PDE9A: variants seen among roughly 807,000 people sequenced by gnomAD.
The protein encoded by PDE9A is phosphodiesterase 9A, also known as high affinity cGMP-specific 3',5'-cyclic phosphodiesterase 9A.
In PDE9A, 60 loss-of-function variants were observed where a neutral mutation model predicts 87.4. That is an observed-to-expected ratio of 0.69 (90% CI 0.56 to 0.85). The LOEUF (loss-of-function observed/expected upper bound fraction) is 0.85, where lower values mean the gene tolerates loss of function less well. PDE9A is among the 40% of genes least tolerant of loss of function. The pLI, the probability that PDE9A is intolerant of heterozygous loss-of-function variation, is 0.00. For synonymous variants in PDE9A, 272 were observed against 279.4 expected, an observed-to-expected ratio of 0.97 and a Z score of 0.27; for missense variants, 665 against 779.0, an observed-to-expected ratio of 0.85 and a Z score of 1.74.
At chr21:42,698,667 G>A (rs2060273665) in intron 3 of PDE9A, among the ~76,000 whole-genome samples, 1 of 152,180 alleles carries the variant, frequency 6.6e-6, no homozygotes, top group African/African-American at 2.4e-5. Context: ...GCAGCTGCCA[G>A]AGTCTGACAT....
In PDE9A at chr21:42,723,772, C is replaced by T; in HGVS notation, c.263-7998C>T. On this transcript the variant is annotated intron_variant, in intron 4 of 19. Transcript: ENST00000291539. This position sits in a 1 kb window ranked among gnomAD's most constrained non-coding sequence, Gnocchi z 4.3. ...CCTCGGGGGCTTATTTGCAATCTCC[C>T]GATTTGCTCAAAAACTTCCAGGTCC... is the stretch of plus-strand genomic sequence containing the variant. 6.6e-6 allele frequency among the ~76,000 whole-genome samples: 1 copy of T among 152,154 alleles called. No individual in the cohort carries two copies. The highest frequency in any genetic ancestry group is 1.9e-4 in the East Asian group (1 of 5,196).
chr21:42,753,320 C>G (rs1210493078), intron 9 of PDE9A, among the ~76,000 whole-genome samples: 1 of 152,206 alleles, frequency 6.6e-6, no homozygotes, highest in African/African-American at 2.4e-5. Context: ...TCCATTTTAT[C>G]ATCGGGCTTG....
Position 42,760,782 on chromosome 21 carries a change from C to T in PDE9A, c.1003-43C>T, listed in dbSNP as rs777111792. The T allele has an allele frequency of 4.4e-5, 49 of 1,125,766 alleles. No individual in the cohort carries two copies. The East Asian group carries it at 4.5e-4, about 10-fold the overall frequency. 69.7% of individuals were successfully genotyped at this position (1,125,766 alleles called of 1,614,324 possible). On this transcript the variant is annotated intron_variant, in intron 12 of 19. Coordinates refer to ENST00000291539, the MANE Select transcript of PDE9A (RefSeq NM_002606.3). The surrounding 1 kb of genome is among the most constrained non-coding windows in gnomAD (Gnocchi z 5.2). Reference sequence around the variant, plus strand: ...CCCCCCCTCACCCCATCCCACCCTCCGAGTGAAGAGAGCAAACACCTACGC... The same window carrying T: ...CCCCCCCTCACCCCATCCCACCCTCTGAGTGAAGAGAGCAAACACCTACGC...
intron 1 of PDE9A, among the ~76,000 whole-genome samples, chr21:42,683,771 A>G (rs2059298015): frequency 6.6e-6 from 1 of 152,186 alleles, no homozygotes; most frequent in Non-Finnish European, 1.5e-5. Flanking sequence ...AAGCCAGCCC[A>G]AGGAGCCATG....
At position 42,727,244 on chromosome 21, in the gene PDE9A, G is replaced by A. The variant is rs888564149; in HGVS notation, c.263-4526G>A. 8.6e-5 allele frequency among the ~76,000 whole-genome samples: 13 copies of A among 152,030 alleles called. No homozygotes were observed. In the East Asian group the frequency reaches 2.3e-3, roughly 27 times the overall value. ...CTTTGATTTCTTTCATGAATGTTTT[G>A]TAGTTTTCAACATACAACTTCTGCA... On this transcript the variant is annotated intron_variant, in intron 4 of 19. Coordinates refer to ENST00000291539, the MANE Select transcript of PDE9A (RefSeq NM_002606.3).
rs2050682937 is a variant in PDE9A at position 42,722,996 on chromosome 21, G to A, written c.263-8774G>A. 6.6e-6 allele frequency among the ~76,000 whole-genome samples: 1 copy of A among 152,232 alleles called. No individual in the cohort carries two copies. Among genetic ancestry groups the A allele is most frequent in the Non-Finnish European group, 1.5e-5 (1 of 68,032 alleles). Reference sequence around the variant, plus strand: ...CAATGGCTTCTGGGCATCGTGTGGGGTGGGGGCAGCCCCTGCCCTGGACAC... The same window carrying A: ...CAATGGCTTCTGGGCATCGTGTGGGATGGGGGCAGCCCCTGCCCTGGACAC... On this transcript the variant is annotated intron_variant, in intron 4 of 19. Transcript: ENST00000291539. This position sits in a 1 kb window ranked among gnomAD's most constrained non-coding sequence, Gnocchi z 4.1.
chr21:42,679,105 C>T (rs151188861), intron 1 of PDE9A, among the ~76,000 whole-genome samples: 253 of 152,308 alleles, frequency 1.7e-3, no homozygotes, highest in African/African-American at 5.8e-3. Context: ...GAGGGGATCG[C>T]GCTGCACCAG....
chr21:42,686,414 G>A lies in PDE9A; in HGVS notation c.140+152G>A, dbSNP rs1020643959. Reference sequence around the variant, plus strand: ...GAAATCAATCAATGCGCAGAATCCCGAGGGAGGCTCAGCCGCCCTCCGGGC... The same window carrying A: ...GAAATCAATCAATGCGCAGAATCCCAAGGGAGGCTCAGCCGCCCTCCGGGC... On this transcript the variant is annotated intron_variant, in intron 2 of 19. Coordinates refer to ENST00000291539, the MANE Select transcript of PDE9A (RefSeq NM_002606.3). 18 of 632,984 alleles carry A rather than the reference G, an allele frequency of 2.8e-5. No homozygotes were observed. In the Admixed American group the frequency reaches 4.1e-4, roughly 14 times the overall value. The allele number at this position is 632,984 out of a possible 1,614,324, so 39.2% of individuals were successfully genotyped here.
intron 1 of PDE9A, among the ~76,000 whole-genome samples, chr21:42,670,341 T>C (rs186499593): frequency 0.2 from 22,770 of 112,016 alleles, 3,109 homozygotes; most frequent in African/African-American, 0.45. Flanking sequence ...CACATTCACA[T>C]ACATTTACAC....
rs766492657 is a variant in PDE9A at position 42,751,174 on chromosome 21, C to T, written c.712C>T (p.Arg238Cys). 1.2e-5 allele frequency: 20 copies of T among 1,612,114 alleles called. No homozygotes were observed. The highest frequency in any genetic ancestry group is 5.3e-5 in the African/African-American group (4 of 74,832). The change falls in exon 9 of 20, where the codon CGC (arginine) becomes TGC (cysteine). Residue 238 changes from arginine (R) to cysteine (C), a missense_variant. Coordinates refer to ENST00000291539, the MANE Select transcript of PDE9A (RefSeq NM_002606.3). Reference protein sequence around the residue: ...LDNHKKLTPRRDVPTYPKYLL... With the variant: ...LDNHKKLTPRCDVPTYPKYLL... ...TAACCACAAGAAGTTGACTCCTCGA[C>T]GCGATGTTCCCACTTACCCCAAGGT... is the stretch of plus-strand genomic sequence containing the variant.
intron 14 of PDE9A, 57 bp downstream of exon 14, chr21:42,762,296 C>G: frequency 1.3e-6 from 2 of 1,548,832 alleles, no homozygotes; most frequent in Non-Finnish European, 1.8e-6. Context: ...GACAGAGCAG[C>G]CCCCACTCTC....
intron 8 of PDE9A, among the ~76,000 whole-genome samples, chr21:42,745,163 G>A (rs1395983253): frequency 6.6e-6 from 1 of 152,204 alleles, no homozygotes; most frequent in Non-Finnish European, 1.5e-5. Flanking sequence ...GGTCTCAGAG[G>A]CAGAAGGTGA....
At chr21:42,747,793 G>A (rs2054023036) in intron 8 of PDE9A, among the ~76,000 whole-genome samples, 1 of 152,216 alleles carries the variant, frequency 6.6e-6, no homozygotes, top group Admixed American at 6.5e-5. Context: ...AGGAGCCTGG[G>A]GTGGCAACTG....
At chr21:42,772,732 C>G (rs2057133753) in intron 19 of PDE9A, among the ~76,000 whole-genome samples, 1 of 151,634 alleles carries the variant, frequency 6.6e-6, no homozygotes, top group Non-Finnish European at 1.5e-5. Context: ...CTCCTGAGTT[C>G]AAGTGATTCT....
chr21:42,663,691 C>A (rs1410900349), intron 1 of PDE9A, among the ~76,000 whole-genome samples: 1 of 152,198 alleles, frequency 6.6e-6, no homozygotes, highest in Non-Finnish European at 1.5e-5. Flanking sequence ...AGTATGTCCT[C>A]ATGCCAGGCT....
chr21:42,755,695 G>C (rs1042613364), intron 10 of PDE9A, among the ~76,000 whole-genome samples: 5 of 152,206 alleles, frequency 3.3e-5, no homozygotes, highest in African/African-American at 9.6e-5. Context: ...CAGCTGCTGA[G>C]ATTGGGCAGA....
chr21:42,680,322 TC>T (rs924249921), intron 1 of PDE9A, among the ~76,000 whole-genome samples: 4 of 152,210 alleles, frequency 2.6e-5, no homozygotes, highest in African/African-American at 7.2e-5. Flanking sequence ...CCTGCTCCAG[TC>T]CCCTTGGCCA....
At chr21:42,670,300 C>G (rs549352367) in intron 1 of PDE9A, among the ~76,000 whole-genome samples, 1 of 144,218 alleles carries the variant, frequency 6.9e-6, no homozygotes, top group Admixed American at 6.7e-5. Flanking sequence ...CATTCACACA[C>G]ATACACTTAG....
chr21:42,755,879 C>T (rs2054988474), intron 10 of PDE9A, among the ~76,000 whole-genome samples: 1 of 152,252 alleles, frequency 6.6e-6, no homozygotes, highest in African/African-American at 2.4e-5. Context: ...GATGGCAAAG[C>T]ACCTGCGTGG....
Sources: allele counts gnomAD v4.1 joint callset (sites outside exome capture counted in the v4.1 genomes callset), GRCh38; gene constraint gnomAD v4.1.1; non-coding constraint Gnocchi (gnomAD v3.1); transcripts MANE v1.5; gene names NCBI Gene and HGNC (gene_info 2026-07-23, HGNC 2026-07-21).